The following HAO1 variants were observed in gnomAD, a reference collection of about 807,000 sequenced individuals.
HAO1 encodes 2-Hydroxyacid oxidase 1.
HAO1 carries 34 observed loss-of-function variants against 39.7 expected under a neutral mutation model. That is an observed-to-expected ratio of 0.86 (90% CI 0.65 to 1.14). The LOEUF is 1.14. HAO1 is among the 50% of genes most tolerant of loss of function. The probability of loss-of-function intolerance (pLI) is 0.00; values close to 1 mark genes in which losing one functional copy is unlikely to be tolerated. For synonymous variants in HAO1, 172 were observed against 173.2 expected, an observed-to-expected ratio of 0.99 and a Z score of 0.05; for missense variants, 479 against 464.5, an observed-to-expected ratio of 1.03 and a Z score of -0.29.
intron 5 of HAO1, among the ~76,000 whole-genome samples, chr20:7,891,509 G>C (rs2050174051): frequency 6.6e-6 from 1 of 152,036 alleles, no homozygotes; most frequent in Non-Finnish European, 1.5e-5. Context: ...TTACTCTGCT[G>C]ACTTCATTTT....
intron 2 of HAO1, among the ~76,000 whole-genome samples, chr20:7,932,147 C>T (rs1268229026): frequency 2.0e-5 from 3 of 152,152 alleles, no homozygotes; most frequent in African/African-American, 7.2e-5. Flanking sequence ...CTTCTCTCTC[C>T]TGCCACCATG....
chr20:7,902,469 G>A (rs1377113988), intron 4 of HAO1, among the ~76,000 whole-genome samples: 1 of 152,090 alleles, frequency 6.6e-6, no homozygotes, highest in Non-Finnish European at 1.5e-5. Context: ...TTTTAATTAA[G>A]GTATATACAT....
chr20:7,904,325 ATTAGGTCCGT>A (rs2050237571), intron 4 of HAO1, among the ~76,000 whole-genome samples: 1 of 152,148 alleles, frequency 6.6e-6, no homozygotes, highest in African/African-American at 2.4e-5. Context: ...ACCTCCATCC[ATTAGGTCCGT>A]TGTGCAAAGC....
At chr20:7,927,480 A>G (rs1714802056) in intron 2 of HAO1, among the ~76,000 whole-genome samples, 1 of 152,202 alleles carries the variant, frequency 6.6e-6, no homozygotes, top group Non-Finnish European at 1.5e-5. Context: ...ATTTACAACT[A>G]TTAAAATGTT....
At chr20:7,924,287 C>G (rs2050349338) in intron 2 of HAO1, among the ~76,000 whole-genome samples, 1 of 151,692 alleles carries the variant, frequency 6.6e-6, no homozygotes, top group Non-Finnish European at 1.5e-5. Flanking sequence ...AGATCAGAAG[C>G]AGAAGTGAAT....
chr20:7,898,585 C>A (rs773998441), intron 4 of HAO1, among the ~76,000 whole-genome samples: 5 of 152,110 alleles, frequency 3.3e-5, no homozygotes, highest in Non-Finnish European at 7.4e-5. Context: ...AAGATAGGGC[C>A]TCAATGGACT....
intron 4 of HAO1, among the ~76,000 whole-genome samples, chr20:7,900,972 G>A (rs1315792223): frequency 6.6e-6 from 1 of 152,140 alleles, no homozygotes; most frequent in Non-Finnish European, 1.5e-5. Context: ...TTGCTGATAG[G>A]GAGAAAGTTT....
At position 7,885,756 on chromosome 20, in the gene HAO1, C is replaced by T. The variant is rs1175865614; in HGVS notation, c.922G>A (p.Ala308Thr). The change falls in exon 6 of 8, where the codon GCC (alanine) becomes ACC (threonine). Residue 308 changes from alanine (A) to threonine (T), a missense_variant. Coordinates refer to ENST00000378789, the MANE Select transcript of HAO1 (RefSeq NM_017545.3). ...TDVLKALALG[A>T]KAVFVGRPIV... ...GGTCTCCCCACAAACACAGCCTTGG[C>T]GCCAAGAGCCAGAGCTTTCAGAACA... The T allele has an allele frequency of 3.1e-6, 5 of 1,613,560 alleles. No individual in the cohort carries two copies. Among genetic ancestry groups the T allele is most frequent in the South Asian group, 1.1e-5 (1 of 91,072 alleles).
At chr20:7,912,235 A>G (rs1419124321) in intron 3 of HAO1, among the ~76,000 whole-genome samples, 1 of 152,138 alleles carries the variant, frequency 6.6e-6, no homozygotes, top group African/African-American at 2.4e-5. Context: ...AGCAAAAGAA[A>G]AGGGGGGAAA....
intron 2 of HAO1, among the ~76,000 whole-genome samples, chr20:7,925,467 A>G (rs992050066): frequency 1.3e-5 from 2 of 152,098 alleles, no homozygotes; most frequent in East Asian, 3.9e-4. Flanking sequence ...CCTTGTTTTC[A>G]CTGTATTTCT....
chr20:7,934,455 T>C, intron 2 of HAO1, 29 bp downstream of exon 2: 1 of 1,583,538 alleles, frequency 6.3e-7, no homozygotes, highest in Non-Finnish European at 8.6e-7. Flanking sequence ...AGCCTCCTTC[T>C]GTCCCTGTGG....
intron 4 of HAO1, among the ~76,000 whole-genome samples, chr20:7,898,668 G>C (rs1055049341): frequency 1.3e-5 from 2 of 152,138 alleles, no homozygotes; most frequent in Admixed American, 6.6e-5. Context: ...CACTAGTCAT[G>C]TAGCCACTGA....
chr20:7,927,172 C>G (rs2050363033), intron 2 of HAO1, among the ~76,000 whole-genome samples: 2 of 152,122 alleles, frequency 1.3e-5, no homozygotes, highest in South Asian at 4.1e-4. Flanking sequence ...CTTAAAGCAC[C>G]AAATGGTATA....
At chr20:7,923,009 G>A (rs1022618125) in intron 2 of HAO1, among the ~76,000 whole-genome samples, 15 of 152,164 alleles carry the variant, frequency 9.9e-5, no homozygotes, top group Middle Eastern at 3.4e-3. Flanking sequence ...TAAATCACAT[G>A]TCCTAGGGTG....
At chr20:7,904,985 C>T (rs2050240572) in intron 4 of HAO1, among the ~76,000 whole-genome samples, 1 of 152,078 alleles carries the variant, frequency 6.6e-6, no homozygotes, top group Admixed American at 6.5e-5. Flanking sequence ...GTATAATCCA[C>T]AAAAATTTTG....
At chr20:7,932,465 C>A (rs183159083) in intron 2 of HAO1, among the ~76,000 whole-genome samples, 1 of 152,156 alleles carries the variant, frequency 6.6e-6, no homozygotes, top group African/African-American at 2.4e-5. Flanking sequence ...TTATCATTTC[C>A]TCCTTACAAA....
rs79002349 is a variant in HAO1 at position 7,922,752 on chromosome 20, A to C, written c.290-8333T>G. Among the ~76,000 whole-genome samples the C allele has an allele frequency of 6.9e-3, 1,053 of 152,262 alleles. 19 individuals carry two copies. The highest frequency in any genetic ancestry group is 0.024 in the African/African-American group (981 of 41,560). The stretch of plus-strand genomic sequence containing the variant: ...GCAGCACTTGCATAGTCCAAACATC[A>C]ATCAGTAATACTTGGAAGAAAAATT... On this transcript the variant is annotated intron_variant, in intron 2 of 7. Coordinates refer to ENST00000378789, the MANE Select transcript of HAO1 (RefSeq NM_017545.3).
In HAO1 at chr20:7,908,279, C is replaced by T. The variant is rs193178850; in HGVS notation, c.546-1950G>A. 3.9e-3 allele frequency among the ~76,000 whole-genome samples: 595 copies of T among 151,796 alleles called. 4 individuals carry two copies. The highest frequency in any genetic ancestry group is 9.9e-3 in the Admixed American group (151 of 15,246). Reference sequence around the variant, plus strand: ...TAGTGGTGGGCACGTGTAATCTCAGCTACTTGGGAGGCTGAGGCACGAGAA... The same window carrying T: ...TAGTGGTGGGCACGTGTAATCTCAGTTACTTGGGAGGCTGAGGCACGAGAA... On this transcript the variant is annotated intron_variant, in intron 3 of 7. Transcript: ENST00000378789.
intron 3 of HAO1, among the ~76,000 whole-genome samples, chr20:7,908,306 C>T (rs967896941): frequency 1.3e-5 from 2 of 150,748 alleles, no homozygotes; most frequent in African/African-American, 4.9e-5. Flanking sequence ...GCACGAGAAT[C>T]GCTTGAACCC....
Sources: gnomAD v4.1 joint callset for allele counts (sites outside exome capture counted in the v4.1 genomes callset) on GRCh38, gnomAD v4.1.1 for gene constraint, MANE v1.5 for transcripts, NCBI Gene and HGNC (gene_info 2026-07-23, HGNC 2026-07-21) for gene names.